Variants in FRMD5 observed in about 807,000 individuals in gnomAD.
FRMD5 encodes the protein FERM domain containing 5, also known as FERM domain-containing protein 5.
Under a neutral mutation model 69.0 loss-of-function variants are expected in FRMD5, and 20 were observed. The observed-to-expected ratio is 0.29, with a 90% CI of 0.20 to 0.42. FRMD5 has a LOEUF of 0.42. Among genes scored for constraint, FRMD5 ranks in the 10% least tolerant of loss-of-function variants. The pLI is 1.00. For synonymous variants in FRMD5, 271 were observed against 260.1 expected (o/e 1.04, Z -0.40); for missense variants, 595 against 708.6 (o/e 0.84, Z 1.82).
intron 1 of FRMD5, among the ~76,000 whole-genome samples, chr15:44,182,014 C>T (rs2078009574): frequency 7.0e-6 from 1 of 142,210 alleles, no homozygotes; most frequent in Admixed American, 7.0e-5. Flanking sequence ...TTTACATTTG[C>T]TTTTTTTTTT....
chr15:44,155,906 A>G (rs1268359991), intron 1 of FRMD5, among the ~76,000 whole-genome samples: 1 of 151,736 alleles, frequency 6.6e-6, no homozygotes, highest in Non-Finnish European at 1.5e-5. Context: ...CTCCCCAAAC[A>G]TATTTTTTGA....
intron 5 of FRMD5, among the ~76,000 whole-genome samples, chr15:43,909,212 C>T (rs907513214): frequency 4.0e-5 from 6 of 151,594 alleles, no homozygotes; most frequent in South Asian, 2.1e-4. Flanking sequence ...CTGGCCAACA[C>T]GGTGAAACTC....
intron 1 of FRMD5, among the ~76,000 whole-genome samples, chr15:43,983,753 G>A (rs1395885649): frequency 6.6e-6 from 1 of 152,172 alleles, no homozygotes; most frequent in Non-Finnish European, 1.5e-5. Flanking sequence ...CAGAATTGAA[G>A]CAGGAGAGTA....
chr15:43,914,125 T>C (rs1035220022), intron 4 of FRMD5, among the ~76,000 whole-genome samples: 2 of 152,208 alleles, frequency 1.3e-5, no homozygotes, highest in Middle Eastern at 3.2e-3. Flanking sequence ...TGAGCTTTTG[T>C]GTAACACGAA....
chr15:44,112,759 C>T (rs1445612980), intron 1 of FRMD5, among the ~76,000 whole-genome samples: 2 of 152,098 alleles, frequency 1.3e-5, no homozygotes, highest in Admixed American at 6.5e-5. Flanking sequence ...TGAGCCACCG[C>T]GCCTGGCCTG....
At chr15:44,180,741 T>C (rs2077984260) in intron 1 of FRMD5, among the ~76,000 whole-genome samples, 1 of 152,060 alleles carries the variant, frequency 6.6e-6, no homozygotes, top group Non-Finnish European at 1.5e-5. Context: ...GCTGAGATCC[T>C]GCTACTGCAC....
At chr15:43,892,095 G>T in intron 7 of FRMD5, 26 bp from the exon 8 acceptor site, 2 of 1,597,294 alleles carry the variant, frequency 1.3e-6, no homozygotes, top group South Asian at 2.2e-5. Context: ...ACTTCTCATC[G>T]GGTGATGCAG....
Position 43,873,458 on chromosome 15 carries a change from G to A in FRMD5, c.*427C>T. Reference sequence around the variant, plus strand: ...GGCACCAGCAGGAAAAGCTCCTGCAGAATACAGAGGACAGCAGCTCTCTAG... The same window carrying A: ...GGCACCAGCAGGAAAAGCTCCTGCAAAATACAGAGGACAGCAGCTCTCTAG... On this transcript the variant is annotated 3_prime_UTR_variant, in exon 14 of 14. Coordinates refer to ENST00000417257, the MANE Select transcript of FRMD5 (RefSeq NM_032892.5). 7.0e-7 allele frequency: 1 copy of A among 1,427,424 alleles called. No homozygotes were observed. Among genetic ancestry groups the A allele is most frequent in the Non-Finnish European group, 9.1e-7 (1 of 1,101,192 alleles). 88.4% of individuals were successfully genotyped at this position (1,427,424 alleles called of 1,614,324 possible).
intron 1 of FRMD5, among the ~76,000 whole-genome samples, chr15:44,081,583 G>C (rs1382057412): frequency 6.6e-6 from 1 of 152,044 alleles, no homozygotes; most frequent in Non-Finnish European, 1.5e-5. Flanking sequence ...CGTTTACTGA[G>C]ATCCTATGGG....
intron 1 of FRMD5, among the ~76,000 whole-genome samples, chr15:43,929,465 G>T (rs1161261046): frequency 6.6e-6 from 1 of 152,170 alleles, no homozygotes; most frequent in African/African-American, 2.4e-5. Flanking sequence ...CACCTCACAA[G>T]CAAGTGCAAA....
chr15:44,133,173 C>T (rs1035715132), intron 1 of FRMD5, among the ~76,000 whole-genome samples: 1 of 151,068 alleles, frequency 6.6e-6, no homozygotes, highest in Non-Finnish European at 1.5e-5. Flanking sequence ...GAGATCGCGC[C>T]ACTGCACTCC....
intron 1 of FRMD5, among the ~76,000 whole-genome samples, chr15:43,992,403 G>C (rs140631487): frequency 6.6e-6 from 1 of 150,704 alleles, no homozygotes; most frequent in Non-Finnish European, 1.5e-5. Flanking sequence ...TTTTGAGATG[G>C]AGTCTTGCTC....
At chr15:43,888,086 C>T in intron 10 of FRMD5, 89 bp downstream of exon 10, 2 of 1,017,670 alleles carry the variant, frequency 2.0e-6, no homozygotes, top group Non-Finnish European at 3.0e-6. Context: ...CTACCCCGCC[C>T]CAAGTTCCTG....
intron 1 of FRMD5, among the ~76,000 whole-genome samples, chr15:43,937,415 A>C (rs1306757843): frequency 6.6e-6 from 1 of 151,900 alleles, no homozygotes; most frequent in Non-Finnish European, 1.5e-5. Context: ...TGGGAGGTGG[A>C]TCACTTGAAG....
chr15:44,043,976 G>T (rs1892319412), intron 1 of FRMD5, among the ~76,000 whole-genome samples: 1 of 152,126 alleles, frequency 6.6e-6, no homozygotes, highest in Admixed American at 6.5e-5. Flanking sequence ...ACTATCATCA[G>T]AGTGAACAGG....
intron 1 of FRMD5, among the ~76,000 whole-genome samples, chr15:44,190,226 T>A (rs1199602765): frequency 6.6e-6 from 1 of 152,134 alleles, no homozygotes; most frequent in African/African-American, 2.4e-5. Context: ...CTATCAAAGG[T>A]GAATTCAACT....
intron 1 of FRMD5, among the ~76,000 whole-genome samples, chr15:44,002,984 G>T (rs1890280038): frequency 6.6e-6 from 1 of 152,072 alleles, no homozygotes; most frequent in Non-Finnish European, 1.5e-5. Flanking sequence ...TACAAGGAAA[G>T]AATTCCCAAG....
intron 13 of FRMD5, among the ~76,000 whole-genome samples, chr15:43,878,846 C>G (rs1041327042): frequency 4.0e-5 from 6 of 151,844 alleles, no homozygotes; most frequent in Admixed American, 2.6e-4. Flanking sequence ...CAGAGGACCA[C>G]CTGGAGCCAC....
intron 1 of FRMD5, among the ~76,000 whole-genome samples, chr15:44,029,235 G>A (rs966116088): frequency 1.3e-5 from 2 of 152,058 alleles, no homozygotes; most frequent in African/African-American, 4.8e-5. Flanking sequence ...AACCTTTATG[G>A]AATGGCTCCT....
Sources: allele counts gnomAD v4.1 joint callset (sites outside exome capture counted in the v4.1 genomes callset), GRCh38; gene constraint gnomAD v4.1.1; transcripts MANE v1.5; gene names NCBI Gene and HGNC (gene_info 2026-07-23, HGNC 2026-07-21).